The following TNFRSF21 variants were observed in gnomAD, a reference collection of about 807,000 sequenced individuals.
The protein encoded by TNFRSF21 is tumor necrosis factor receptor superfamily member 21.
TNFRSF21 carries 19 observed loss-of-function variants against 45.6 expected under a neutral mutation model. The observed-to-expected ratio is 0.42, with a 90% CI of 0.29 to 0.61. The LOEUF is 0.61. Ranked by LOEUF, TNFRSF21 falls within the 20% of genes least tolerant of loss-of-function variation. The probability of loss-of-function intolerance (pLI) is 0.23; values close to 1 mark genes in which losing one functional copy is unlikely to be tolerated. For synonymous variants in TNFRSF21, 314 were observed against 335.5 expected (o/e 0.94, Z 0.70); for missense variants, 737 against 851.5 (o/e 0.87, Z 1.67).
chr6:47,234,528 A>G (rs950971339), intron 5 of TNFRSF21, 142 bp downstream of exon 5: 1 of 704,604 alleles, frequency 1.4e-6, no homozygotes, highest in African/African-American at 1.9e-5. Context: ...CGTATCTTGA[A>G]GTTTTGGACT....
chr6:47,300,418 T>A (rs752472508), intron 1 of TNFRSF21, among the ~76,000 whole-genome samples: 1 of 152,182 alleles, frequency 6.6e-6, no homozygotes, highest in Non-Finnish European at 1.5e-5. Flanking sequence ...AGCACCATCA[T>A]CTCTGCCCTG....
At chr6:47,259,206 G>A (rs546938388) in intron 3 of TNFRSF21, among the ~76,000 whole-genome samples, 22 of 152,350 alleles carry the variant, frequency 1.4e-4, no homozygotes, top group Admixed American at 3.9e-4. Flanking sequence ...CTGCCCCATC[G>A]GAGTTCCCAG....
chr6:47,239,364 AC>A (rs1479145506), intron 4 of TNFRSF21, among the ~76,000 whole-genome samples: 1 of 151,372 alleles, frequency 6.6e-6, no homozygotes, highest in Non-Finnish European at 1.5e-5. Flanking sequence ...CTGAAAAATC[AC>A]TTCCCTGTTG....
intron 3 of TNFRSF21, among the ~76,000 whole-genome samples, chr6:47,258,520 C>T (rs554832566): frequency 6.6e-6 from 1 of 151,642 alleles, no homozygotes; most frequent in Non-Finnish European, 1.5e-5. Flanking sequence ...CAGCTCACTG[C>T]AGCCTCTGCC....
At chr6:47,233,641 A>T (rs1349262441) in intron 5 of TNFRSF21, among the ~76,000 whole-genome samples, 3 of 149,494 alleles carry the variant, frequency 2.0e-5, no homozygotes, top group African/African-American at 7.3e-5. Flanking sequence ...TCTAAAATAT[A>T]TTATATAACA....
intron 1 of TNFRSF21, among the ~76,000 whole-genome samples, chr6:47,291,395 G>C (rs1332883898): frequency 6.6e-6 from 1 of 152,056 alleles, no homozygotes; most frequent in African/African-American, 2.4e-5. Flanking sequence ...GTATGCGGGA[G>C]AGTAGACAAG....
rs368556277 is a variant in TNFRSF21, at chr6:47,284,301, T to A, written c.880A>T (p.Asn294Tyr). 12 of 1,608,542 alleles carry A rather than the reference T, an allele frequency of 7.5e-6. No homozygotes were observed. In the African/African-American group the frequency reaches 1.5e-4, roughly 20 times the overall value. ...GKEDVNKTLP[N>Y]LQVVNHQQGP... ...TGCTGGTGGTTGACTACCTGAAGGT[T>A]TGGGAGGGTCTTGTTCACGTCTTCC... Residue 294 changes from asparagine to tyrosine, a missense_variant, in exon 3 of 6, where the codon AAC becomes TAC. Coordinates refer to ENST00000296861, the MANE Select transcript of TNFRSF21 (RefSeq NM_014452.5).
intron 1 of TNFRSF21, among the ~76,000 whole-genome samples, chr6:47,307,318 T>C (rs1327935196): frequency 1.3e-5 from 2 of 152,222 alleles, no homozygotes; most frequent in Non-Finnish European, 2.9e-5. Flanking sequence ...ACTTAAATTG[T>C]CAGGTCTTTA....
Position 47,309,603 on chromosome 6 carries a change from TC to T in TNFRSF21, c.-93del, listed in dbSNP as rs1762989276. ...GCCCAGCGCCGCATCCACCGCCGCCTCCCGGGCCGGGAGCCCATCTACCTCC... is the reference window on the plus strand; with the variant it reads ...GCCCAGCGCCGCATCCACCGCCGCCTCCGGGCCGGGAGCCCATCTACCTCC... On this transcript the variant is annotated 5_prime_UTR_variant, in exon 1 of 6. Coordinates refer to ENST00000296861, the MANE Select transcript of TNFRSF21 (RefSeq NM_014452.5). 5 of 1,364,814 alleles carry T rather than the reference TC, an allele frequency of 3.7e-6. No homozygotes were observed. The highest frequency in any genetic ancestry group is 4.7e-6 in the Non-Finnish European group (5 of 1,067,506). The allele number at this position is 1,364,814 out of a possible 1,614,324, so 84.5% of individuals were successfully genotyped here. A position where few individuals can be genotyped will look rare whatever the true frequency, so the allele number is the denominator to read the frequency against.
At chr6:47,273,951 AAGG>A (rs1762461435) in intron 3 of TNFRSF21, among the ~76,000 whole-genome samples, 1 of 152,226 alleles carries the variant, frequency 6.6e-6, no homozygotes, top group Non-Finnish European at 1.5e-5. Flanking sequence ...GGACCTCTTC[AAGG>A]AGAACTACAA....
chr6:47,304,743 A>G (rs781776712), intron 1 of TNFRSF21, among the ~76,000 whole-genome samples: 6 of 151,986 alleles, frequency 3.9e-5, no homozygotes, highest in Non-Finnish European at 7.4e-5. Flanking sequence ...CTTAAATCCC[A>G]TTTACGAGGA....
chr6:47,282,384 C>CA (rs1419235376), intron 3 of TNFRSF21, among the ~76,000 whole-genome samples: 4,268 of 85,020 alleles, frequency 0.05, 116 homozygotes, highest in African/African-American at 0.076. Context: ...AATTCTGTCT[C>CA]AAAAAAAAAA....
At chr6:47,280,035 G>C (rs1762546409) in intron 3 of TNFRSF21, among the ~76,000 whole-genome samples, 4 of 152,184 alleles carry the variant, frequency 2.6e-5, no homozygotes. Context: ...AAAACTATAA[G>C]TCCATGGTAG....
At chr6:47,237,417 A>C (rs1175007362) in intron 4 of TNFRSF21, among the ~76,000 whole-genome samples, 1 of 152,254 alleles carries the variant, frequency 6.6e-6, no homozygotes, top group Non-Finnish European at 1.5e-5. Flanking sequence ...TAATCAGAAC[A>C]GTGAGTCATC....
chr6:47,241,868 C>A (rs903576195), intron 4 of TNFRSF21, among the ~76,000 whole-genome samples: 2 of 152,148 alleles, frequency 1.3e-5, no homozygotes, highest in African/African-American at 4.8e-5. Flanking sequence ...TCTTCTCCTG[C>A]ACAGCCCAGA....
chr6:47,240,921 G>C (rs1176169486), intron 4 of TNFRSF21, among the ~76,000 whole-genome samples: 1 of 152,136 alleles, frequency 6.6e-6, no homozygotes, highest in East Asian at 1.9e-4. Flanking sequence ...TTATCTCAAA[G>C]GAATTCTAGT....
At chr6:47,239,883 C>T (rs942363700) in intron 4 of TNFRSF21, among the ~76,000 whole-genome samples, 5 of 152,050 alleles carry the variant, frequency 3.3e-5, no homozygotes, top group African/African-American at 7.3e-5. Flanking sequence ...AATTCTCTTT[C>T]CCCTTCCAAG....
intron 1 of TNFRSF21, among the ~76,000 whole-genome samples, chr6:47,294,268 T>C (rs1762766803): frequency 6.6e-6 from 1 of 152,126 alleles, no homozygotes; most frequent in East Asian, 1.9e-4. Context: ...CTCAGCCTCC[T>C]GAGTAGCTGG....
At chr6:47,264,715 A>G (rs1023383433) in intron 3 of TNFRSF21, among the ~76,000 whole-genome samples, 1 of 152,104 alleles carries the variant, frequency 6.6e-6, no homozygotes, top group African/African-American at 2.4e-5. Flanking sequence ...GGTGCTTTAT[A>G]ATCCTCAAAC....
Sources: gnomAD v4.1 joint callset for allele counts (sites outside exome capture counted in the v4.1 genomes callset) on GRCh38, gnomAD v4.1.1 for gene constraint, MANE v1.5 for transcripts, NCBI Gene and HGNC (gene_info 2026-07-23, HGNC 2026-07-21) for gene names.